Variants in TGFB3 observed in about 807,000 individuals in gnomAD.
TGFB3 encodes the protein transforming growth factor beta-3 proprotein.
In TGFB3, 5 loss-of-function variants were observed where a neutral mutation model predicts 40.1. The observed-to-expected ratio is 0.12, with a 90% confidence interval of 0.07 to 0.26. The LOEUF is 0.26. Among genes scored for constraint, TGFB3 ranks in the 10% least tolerant of loss-of-function variants. The probability of loss-of-function intolerance (pLI) is 1.00; values close to 1 mark genes in which losing one functional copy is unlikely to be tolerated. For missense variants in TGFB3, 373 were observed against 530.1 expected (o/e 0.70, Z 2.91); for synonymous variants, 184 against 205.6 (o/e 0.89, Z 0.90).
intron 3 of TGFB3, among the ~76,000 whole-genome samples, chr14:75,970,022 G>A (rs1467942073): frequency 6.6e-6 from 1 of 152,174 alleles, no homozygotes; most frequent in Non-Finnish European, 1.5e-5. Context: ...ATCTTTTAAA[G>A]ATGTCAATCA....
At chr14:75,970,879 C>T (rs2035282471) in intron 3 of TGFB3, 1 of 478,700 alleles carries the variant, frequency 2.1e-6, no homozygotes, top group Non-Finnish European at 3.8e-6. Context: ...TCCACCCACT[C>T]ATTGTCACAT....
chr14:75,977,988 G>T (rs546664708), intron 1 of TGFB3, among the ~76,000 whole-genome samples: 1 of 152,152 alleles, frequency 6.6e-6, no homozygotes, highest in Admixed American at 6.5e-5. Flanking sequence ...AGGGAGAAAA[G>T]GTTATTTAGG....
In TGFB3 at chr14:75,978,439, C is replaced by T. The variant is rs895899684; in HGVS notation, c.352+2103G>A. Among the ~76,000 whole-genome samples, 3 of 152,206 alleles carry T rather than the reference C, an allele frequency of 2.0e-5. No homozygotes were observed. The highest frequency in any genetic ancestry group is 2.9e-5 in the Non-Finnish European group (2 of 68,038). On this transcript the variant is annotated intron_variant, in intron 1 of 6. Transcript: ENST00000238682. This position sits in a 1 kb window ranked among gnomAD's most constrained non-coding sequence, Gnocchi z 5.0. ...GCTCAGCACCCGACCAGCTGCAGGG[C>T]GGGCCCAGGTCCGTCTGCTCAGCCT...
chr14:75,971,813 C>A lies in TGFB3; in HGVS notation c.353-95G>T. 1.4e-6 allele frequency: 2 copies of A among 1,406,418 alleles called. No homozygotes were observed. Among genetic ancestry groups the A allele is most frequent in the Non-Finnish European group, 2.0e-6 (2 of 1,010,714 alleles). The allele number at this position is 1,406,418 out of a possible 1,614,324, so 87.1% of individuals were successfully genotyped here. ...CAGGCACCAAGTGGCCACCGTCCCG[C>A]CTGCCACCTCCCTAGAGGCTTGAGG... On this transcript the variant is annotated intron_variant, in intron 1 of 6. Transcript: ENST00000238682. The surrounding 1 kb of genome is among the most constrained non-coding windows in gnomAD (Gnocchi z 4.5).
chr14:75,969,197 A>C (rs1334851030), intron 3 of TGFB3, among the ~76,000 whole-genome samples: 3 of 152,218 alleles, frequency 2.0e-5, no homozygotes, highest in Non-Finnish European at 4.4e-5. Flanking sequence ...TTTAACTCTT[A>C]GTTGCCTAAA....
At chr14:75,960,800 G>A (rs889670558) in intron 6 of TGFB3, 123 bp downstream of exon 6, 82 of 1,339,900 alleles carry the variant, frequency 6.1e-5, no homozygotes, top group Non-Finnish European at 7.7e-5. Flanking sequence ...CTTCACCAGA[G>A]GAATTTTACT....
At chr14:75,976,930 C>G (rs986848174) in intron 1 of TGFB3, among the ~76,000 whole-genome samples, 10 of 152,094 alleles carry the variant, frequency 6.6e-5, no homozygotes, top group Non-Finnish European at 1.3e-4. Context: ...AGGAGCTTGT[C>G]GAAAATACAG....
At position 75,971,453 on chromosome 14, in the gene TGFB3, T is replaced by C. The variant is rs1566682634; in HGVS notation, c.516+102A>G. 3 of 1,565,578 alleles carry C rather than the reference T, an allele frequency of 1.9e-6. No homozygotes were observed. Among genetic ancestry groups the C allele is most frequent in the Non-Finnish European group, 2.6e-6 (3 of 1,150,310 alleles). ...AAACGAAGGCTCAGAGAAGCCAGGA[T>C]TCAAACCCAGGTCTGCCAAACGCTG... On this transcript the variant is annotated intron_variant, in intron 2 of 6. Coordinates refer to ENST00000238682, the MANE Select transcript of TGFB3 (RefSeq NM_003239.5). The surrounding 1 kb of genome is among the most constrained non-coding windows in gnomAD (Gnocchi z 4.5).
chr14:75,982,209 C>G (rs1369285865), upstream of TGFB3, among the ~76,000 whole-genome samples: 2 of 152,246 alleles, frequency 1.3e-5, no homozygotes, highest in Admixed American at 1.3e-4. This position sits in a 1 kb window ranked among gnomAD's most constrained non-coding sequence, Gnocchi z 4.0. Flanking sequence ...CTTGGAATCA[C>G]TCCTGCCACA....
chr14:75,961,197 G>A, intron 5 of TGFB3, 121 bp from the exon 6 acceptor site: 2 of 1,172,780 alleles, frequency 1.7e-6, no homozygotes, highest in Non-Finnish European at 2.5e-6. Context: ...CTGATCAATG[G>A]AATCCCAGGT....
intron 5 of TGFB3, chr14:75,962,958 C>G (rs2035175379): frequency 2.6e-6 from 1 of 383,388 alleles, no homozygotes; most frequent in African/African-American, 2.1e-5. Context: ...GAAACTCCTA[C>G]ATTAATCTCA....
intron 5 of TGFB3, chr14:75,963,010 G>C (rs2035175885): frequency 1.2e-5 from 6 of 491,110 alleles, no homozygotes; most frequent in Non-Finnish European, 1.9e-5. Flanking sequence ...AAATCATGGA[G>C]AGGCTTTGAC....
At chr14:75,968,927 AGGAACTGCCAGCCTCACTCTTGG>A (rs2035253729) in intron 3 of TGFB3, among the ~76,000 whole-genome samples, 2 of 152,178 alleles carry the variant, frequency 1.3e-5, no homozygotes, top group Non-Finnish European at 2.9e-5. Context: ...GATGCTAAAC[AGGAACTGCCAGCCTCACTCTTGG>A]GGAACAATAG....
At chr14:75,967,697 C>T (rs1167194664) in intron 3 of TGFB3, among the ~76,000 whole-genome samples, 1 of 152,182 alleles carries the variant, frequency 6.6e-6, no homozygotes. Flanking sequence ...CTAACTTATT[C>T]TATCTCTATA....
At chr14:75,967,854 A>C (rs757613025) in intron 3 of TGFB3, among the ~76,000 whole-genome samples, 5 of 152,156 alleles carry the variant, frequency 3.3e-5, no homozygotes, top group Non-Finnish European at 7.3e-5. Flanking sequence ...CCAGATCCCA[A>C]ACTCTTGTTA....
chr14:75,959,050 A>G lies in TGFB3; in HGVS notation c.*137T>C. 1.9e-6 allele frequency: 2 copies of G among 1,027,346 alleles called. No individual in the cohort carries two copies. Among genetic ancestry groups the G allele is most frequent in the Non-Finnish European group, 3.0e-6 (2 of 660,864 alleles). 63.6% of individuals were successfully genotyped at this position (1,027,346 alleles called of 1,614,324 possible). A position where few individuals can be genotyped will look rare whatever the true frequency, so the allele number is the denominator to read the frequency against. On this transcript the variant is annotated 3_prime_UTR_variant, in exon 7 of 7. Coordinates refer to ENST00000238682, the MANE Select transcript of TGFB3 (RefSeq NM_003239.5). ...AGAAATGTTCCAAAAGGAAACCTCC[A>G]TCTCAGCCATTTGCCCGGAGCCGAA... is the stretch of plus-strand genomic sequence containing the variant.
rs754010536 is a variant in TGFB3, at chr14:75,980,550, G to A, written c.344C>T (p.Ala115Val). ...IHKFDMIQGLAEHNELAVCPK... is the reference protein window; with the variant it reads ...IHKFDMIQGLVEHNELAVCPK... ...CGAGAATTTGGACTTACTGTGCTCC[G>A]CCAGCCCCTGGATCATGTCGAATTT... The change falls in exon 1 of 7, where the codon GCG becomes GTG. Residue 115 changes from alanine to valine, a missense_variant. Physicochemically the swap from Ala to Val is moderately conservative, Grantham distance 64. Transcript: ENST00000238682. This position sits in a 1 kb window ranked among gnomAD's most constrained non-coding sequence, Gnocchi z 4.3. 3.1e-6 allele frequency: 5 copies of A among 1,614,196 alleles called. No individual in the cohort carries two copies. The highest frequency in any genetic ancestry group is 2.2e-5 in the East Asian group (1 of 44,872).
intron 3 of TGFB3, chr14:75,966,091 C>T (rs1473259314): frequency 3.1e-6 from 1 of 326,014 alleles, no homozygotes; most frequent in Admixed American, 4.5e-5. Flanking sequence ...GAGAGGGGAT[C>T]GTTGAGCCAA....
chr14:75,971,652 T>C lies in TGFB3; in HGVS notation c.419A>G (p.Glu140Gly). ...KVFRFNVSSV[E>G]KNRTNLFRAE... ...TCGGAATAGGTTGGTTCTATTTTTCTCCACTGAGGACACATTGAAGCGGAA... is the reference window on the plus strand; with the variant it reads ...TCGGAATAGGTTGGTTCTATTTTTCCCCACTGAGGACACATTGAAGCGGAA... The change falls in exon 2 of 7, where the codon GAG becomes GGG. Residue 140 changes from glutamate (E) to glycine (G), a missense_variant. Physicochemically the swap from Glu to Gly is moderately conservative, Grantham distance 98. Transcript: ENST00000238682. The surrounding 1 kb of genome is among the most constrained non-coding windows in gnomAD (Gnocchi z 4.5). The C allele has an allele frequency of 2.5e-6, 4 of 1,614,250 alleles. No individual in the cohort carries two copies. Among genetic ancestry groups the C allele is most frequent in the Non-Finnish European group, 3.4e-6 (4 of 1,180,046 alleles).
Sources: gnomAD v4.1 joint callset for allele counts (sites outside exome capture counted in the v4.1 genomes callset) on GRCh38, gnomAD v4.1.1 for gene constraint, Gnocchi (gnomAD v3.1) non-coding constraint, MANE v1.5 for transcripts, NCBI Gene and HGNC (gene_info 2026-07-23, HGNC 2026-07-21) for gene names.